The following GPC6 variants were observed in gnomAD, a reference collection of about 807,000 sequenced individuals.
GPC6 encodes the protein glypican-6.
In GPC6, 14 loss-of-function variants were observed where a neutral mutation model predicts 55.2. The ratio of observed to expected loss-of-function variants is 0.25; its 90% CI spans 0.17 to 0.40. GPC6 has a LOEUF of 0.40. Among genes scored for constraint, GPC6 ranks in the 10% least tolerant of loss-of-function variants. The pLI, the probability that GPC6 is intolerant of heterozygous loss-of-function variation, is 1.00. For missense variants in GPC6, 641 were observed against 708.5 expected, an observed-to-expected ratio of 0.90 and a Z score of 1.08; for synonymous variants, 278 against 259.6, an observed-to-expected ratio of 1.07 and a Z score of -0.68.
chr13:93,500,560 C>T (rs1880483102), intron 1 of GPC6, among the ~76,000 whole-genome samples: 2 of 152,116 alleles, frequency 1.3e-5, no homozygotes, highest in South Asian at 2.1e-4. Flanking sequence ...ATCCCACGAA[C>T]ATATATCTAT....
At chr13:94,019,078 A>T (rs1209458748) in intron 3 of GPC6, among the ~76,000 whole-genome samples, 1 of 152,144 alleles carries the variant, frequency 6.6e-6, no homozygotes, top group Non-Finnish European at 1.5e-5. Context: ...GCTCTCTCAG[A>T]ATGAGTTAGG....
intron 4 of GPC6, among the ~76,000 whole-genome samples, chr13:94,033,691 A>C (rs1269528441): frequency 6.6e-6 from 1 of 152,208 alleles, no homozygotes; most frequent in African/African-American, 2.4e-5. Flanking sequence ...AGTTACAAAT[A>C]ATTCCATAGT....
intron 2 of GPC6, among the ~76,000 whole-genome samples, chr13:93,567,026 C>T (rs189988101): frequency 8.3e-4 from 126 of 152,160 alleles, no homozygotes; most frequent in East Asian, 5.8e-4. Flanking sequence ...AATAACCATA[C>T]GTGTGCATGT....
At chr13:93,344,641 A>G (rs920305274) in intron 1 of GPC6, among the ~76,000 whole-genome samples, 1 of 152,038 alleles carries the variant, frequency 6.6e-6, no homozygotes, top group African/African-American at 2.4e-5. Context: ...CCACTATTGA[A>G]TAGGAGTATT....
chr13:93,706,532 C>T (rs1594387695), intron 2 of GPC6, among the ~76,000 whole-genome samples: 1 of 151,878 alleles, frequency 6.6e-6, no homozygotes, highest in East Asian at 1.9e-4. Context: ...TTCTCCTTTG[C>T]TTCAGTTAAT....
intron 4 of GPC6, among the ~76,000 whole-genome samples, chr13:94,113,603 C>T (rs1289316040): frequency 6.6e-6 from 1 of 152,030 alleles, no homozygotes; most frequent in African/African-American, 2.4e-5. Context: ...GCAGCTTTAG[C>T]TAATGCATAA....
At chr13:93,591,381 G>A (rs1342445912) in intron 2 of GPC6, among the ~76,000 whole-genome samples, 1 of 151,332 alleles carries the variant, frequency 6.6e-6, no homozygotes, top group Non-Finnish European at 1.5e-5. Context: ...GGAGAGTGGC[G>A]TGAACCCGGG....
intron 1 of GPC6, among the ~76,000 whole-genome samples, chr13:93,455,220 A>G (rs866783187): frequency 1.1e-4 from 17 of 152,252 alleles, no homozygotes; most frequent in Middle Eastern, 3.4e-3. Context: ...TGGCCAGACC[A>G]GAAAGGGGCT....
chr13:94,276,430 C>T (rs148544379), intron 4 of GPC6, among the ~76,000 whole-genome samples: 101 of 151,942 alleles, frequency 6.6e-4, no homozygotes, highest in African/African-American at 2.2e-3. Context: ...GCAAGGCTGG[C>T]GAGGTAGGTA....
At chr13:93,314,905 GT>G (rs1366317029) in intron 1 of GPC6, among the ~76,000 whole-genome samples, 11 of 152,014 alleles carry the variant, frequency 7.2e-5, no homozygotes, top group Non-Finnish European at 1.2e-4. Context: ...TGTTTTGTTT[GT>G]TTGTTTGTTT....
At position 93,354,946 on chromosome 13, in the gene GPC6, C is replaced by T. The variant is rs142805825; in HGVS notation, c.160+127330C>T. Among the ~76,000 whole-genome samples, 283 of 152,206 alleles carry T rather than the reference C, an allele frequency of 1.9e-3. 2 individuals carry two copies. The highest frequency in any genetic ancestry group is 3.1e-3 in the South Asian group (15 of 4,816). Reference sequence around the variant, plus strand: ...TTATCTATCAAAAAATTAATGATAACCCTTTTATATTCAATTCAACAATCT... The same window carrying T: ...TTATCTATCAAAAAATTAATGATAATCCTTTTATATTCAATTCAACAATCT... On this transcript the variant is annotated intron_variant, in intron 1 of 8. Coordinates refer to ENST00000377047, the MANE Select transcript of GPC6 (RefSeq NM_005708.5).
At chr13:93,839,475 T>A (rs1004266321) in intron 3 of GPC6, among the ~76,000 whole-genome samples, 2 of 152,090 alleles carry the variant, frequency 1.3e-5, no homozygotes, top group African/African-American at 4.8e-5. Flanking sequence ...GATATATTGG[T>A]TTTTAATTCT....
At chr13:94,285,603 A>C (rs1243503775) in intron 4 of GPC6, among the ~76,000 whole-genome samples, 2 of 152,180 alleles carry the variant, frequency 1.3e-5, no homozygotes, top group Admixed American at 1.3e-4. Context: ...TCCAACCTTA[A>C]AACGTGTCCT....
At chr13:93,792,086 T>A (rs925127346) in intron 2 of GPC6, among the ~76,000 whole-genome samples, 13 of 152,228 alleles carry the variant, frequency 8.5e-5, no homozygotes, top group African/African-American at 2.4e-4. Flanking sequence ...TCTTAGCCAT[T>A]AGAAAAATTA....
At chr13:94,040,557 ATAT>A (rs1260610405) in intron 4 of GPC6, among the ~76,000 whole-genome samples, 2 of 151,950 alleles carry the variant, frequency 1.3e-5, no homozygotes, top group East Asian at 3.9e-4. Flanking sequence ...AAGCCATGAA[ATAT>A]TATTTGATTT....
intron 1 of GPC6, among the ~76,000 whole-genome samples, chr13:93,373,023 G>A (rs1874740295): frequency 1.3e-5 from 2 of 152,108 alleles, no homozygotes; most frequent in South Asian, 4.1e-4. Context: ...CACGCAATTA[G>A]CTACAGAATG....
intron 1 of GPC6, among the ~76,000 whole-genome samples, chr13:93,357,972 GT>G (rs1880909765): frequency 6.6e-6 from 1 of 152,190 alleles, no homozygotes; most frequent in Admixed American, 6.5e-5. Flanking sequence ...CGAGTGGTCT[GT>G]TCATGGATGC....
intron 1 of GPC6, among the ~76,000 whole-genome samples, chr13:93,285,525 A>T (rs1878082310): frequency 6.6e-6 from 1 of 151,788 alleles, no homozygotes; most frequent in African/African-American, 2.4e-5. Context: ...AACATATTTT[A>T]CCTTGTTTTC....
At position 93,566,546 on chromosome 13, in the gene GPC6, T is replaced by G. The variant is rs116993410; in HGVS notation, c.319+21125T>G. ...TGGAGAAAGTTTTTTTTTTTTTGCT[T>G]GTTTTTTTTTATGACTTTTTTTTCT... On this transcript the variant is annotated intron_variant, in intron 2 of 8. Coordinates refer to ENST00000377047, the MANE Select transcript of GPC6 (RefSeq NM_005708.5). Among the ~76,000 whole-genome samples, 10 of 150,370 alleles carry G rather than the reference T, an allele frequency of 6.7e-5. No homozygotes were observed. In the East Asian group the frequency reaches 1.8e-3, roughly 27 times the overall value.
Sources: gnomAD v4.1 joint callset for allele counts (sites outside exome capture counted in the v4.1 genomes callset) on GRCh38, gnomAD v4.1.1 for gene constraint, MANE v1.5 for transcripts, NCBI Gene and HGNC (gene_info 2026-07-23, HGNC 2026-07-21) for gene names.